The following MCC variants were observed in gnomAD, a reference collection of about 807,000 sequenced individuals.
MCC encodes the protein MCC regulator of Wnt signaling pathway, also known as colorectal mutant cancer protein.
In MCC, 90 loss-of-function variants were observed where a neutral mutation model predicts 116.2. That is an observed-to-expected ratio of 0.77 (90% CI 0.65 to 0.92). The LOEUF is 0.92. Among genes scored for constraint, MCC ranks in the 40% least tolerant of loss-of-function variants. The pLI is 0.00. For missense variants in MCC, 1,516 were observed against 1,312.2 expected (o/e 1.16, Z -2.40); for synonymous variants, 578 against 510.5 (o/e 1.13, Z -1.78).
intron 8 of MCC, among the ~76,000 whole-genome samples, chr5:113,095,126 G>A (rs1480587828): frequency 6.6e-6 from 1 of 152,174 alleles, no homozygotes; most frequent in Admixed American, 6.5e-5. Context: ...AGGAGAGTGG[G>A]TCTGTGAAAC....
rs572975445 is a variant in MCC, at chr5:113,117,905, C to A, written c.1027+4779G>T. ...AGGTGCTTGTGATCACACAGCTGCTCCCTAATTCCCCCATCAGCCCTAGAG... is the reference window on the plus strand; with the variant it reads ...AGGTGCTTGTGATCACACAGCTGCTACCTAATTCCCCCATCAGCCCTAGAG... On this transcript the variant is annotated intron_variant, in intron 6 of 18. Coordinates refer to ENST00000408903, the MANE Select transcript of MCC (RefSeq NM_001085377.2). Among the ~76,000 whole-genome samples the A allele has an allele frequency of 1.2e-4, 19 of 152,314 alleles. 1 individual carries two copies. The highest frequency in any genetic ancestry group is 3.4e-3 in the Middle Eastern group (1 of 294).
chr5:113,187,723 C>CCGG (rs1394938469), intron 3 of MCC, among the ~76,000 whole-genome samples: 4 of 149,058 alleles, frequency 2.7e-5, no homozygotes, highest in African/African-American at 1.0e-4. Flanking sequence ...CCACTGCACT[C>CCGG]CGGCCTGGGC....
At chr5:113,146,417 C>T (rs1028940124) in intron 4 of MCC, among the ~76,000 whole-genome samples, 1 of 83,704 alleles carries the variant, frequency 1.2e-5, no homozygotes, top group Non-Finnish European at 2.6e-5. Flanking sequence ...TCCTCTTCAC[C>T]ATTTACCTAA....
chr5:113,166,455 A>G (rs17135364), intron 3 of MCC, among the ~76,000 whole-genome samples: 33,428 of 152,104 alleles, frequency 0.22, 3,818 homozygotes, highest in Middle Eastern at 0.27. Flanking sequence ...GGAGTGTCCT[A>G]AGAGTCCTGC....
At chr5:113,389,106 T>C (rs1347631988) in intron 1 of MCC, among the ~76,000 whole-genome samples, 1 of 152,236 alleles carries the variant, frequency 6.6e-6, no homozygotes, top group Non-Finnish European at 1.5e-5. Context: ...AGTTACATTT[T>C]GTTACCAACA....
At chr5:113,294,289 G>T (rs1766629633) in intron 3 of MCC, 3 of 1,612,790 alleles carry the variant, frequency 1.9e-6, no homozygotes, top group African/African-American at 2.7e-5. Context: ...AAAAGCAAAC[G>T]CCCGAGAAAC....
intron 1 of MCC, among the ~76,000 whole-genome samples, chr5:113,471,295 T>A (rs1208103563): frequency 6.6e-6 from 1 of 152,220 alleles, no homozygotes; most frequent in African/African-American, 2.4e-5. Flanking sequence ...TTTTTTCCCA[T>A]CTTTGTCATT....
At chr5:113,074,967 G>A (rs1278915608) in intron 11 of MCC, among the ~76,000 whole-genome samples, 2 of 152,238 alleles carry the variant, frequency 1.3e-5, no homozygotes, top group African/African-American at 2.4e-5. Flanking sequence ...TGCTCAAGGA[G>A]CGCTTCAGCC....
chr5:113,238,476 A>G (rs986665844), intron 3 of MCC, among the ~76,000 whole-genome samples: 2 of 152,208 alleles, frequency 1.3e-5, no homozygotes, highest in East Asian at 3.8e-4. Context: ...TCTCCTAAAA[A>G]GACTCTTCAA....
chr5:113,437,442 G>A (rs1449614268), intron 1 of MCC, among the ~76,000 whole-genome samples: 1 of 152,088 alleles, frequency 6.6e-6, no homozygotes, highest in Non-Finnish European at 1.5e-5. Flanking sequence ...TGTCTTCCAA[G>A]GATAAAGACA....
At chr5:113,062,507 G>A (rs909025283) in intron 14 of MCC, among the ~76,000 whole-genome samples, 31 of 152,252 alleles carry the variant, frequency 2.0e-4, no homozygotes, top group Admixed American at 3.3e-4. Context: ...CACATTTCCT[G>A]TCAAGCAAAC....
intron 3 of MCC, among the ~76,000 whole-genome samples, chr5:113,159,021 G>C (rs73244726): frequency 6.6e-6 from 1 of 152,136 alleles, no homozygotes; most frequent in Non-Finnish European, 1.5e-5. Flanking sequence ...CAGGGTTTTC[G>C]TGATGGCAGC....
chr5:113,097,278 T>C (rs552825214), intron 8 of MCC, among the ~76,000 whole-genome samples: 1 of 152,338 alleles, frequency 6.6e-6, no homozygotes, highest in South Asian at 2.1e-4. Context: ...ACTGCCCAGA[T>C]TTAACCTGTT....
chr5:113,121,691 C>T (rs1356888584), intron 6 of MCC, among the ~76,000 whole-genome samples: 2 of 152,024 alleles, frequency 1.3e-5, no homozygotes, highest in Admixed American at 6.6e-5. Flanking sequence ...ATTAAAATCC[C>T]TCTCCCCAAC....
At chr5:113,242,098 C>T (rs1156864870) in intron 3 of MCC, among the ~76,000 whole-genome samples, 2 of 148,360 alleles carry the variant, frequency 1.3e-5, no homozygotes, top group East Asian at 3.9e-4. Context: ...CCTAATCCCA[C>T]ATCATAGGCC....
At chr5:113,166,810 A>T (rs1760799135) in intron 3 of MCC, among the ~76,000 whole-genome samples, 1 of 152,058 alleles carries the variant, frequency 6.6e-6, no homozygotes, top group Admixed American at 6.6e-5. Flanking sequence ...GCTCAGAGGT[A>T]AGGAGAACAG....
At chr5:113,101,411 A>AT (rs1756401068) in intron 8 of MCC, 1 of 240,108 alleles carries the variant, frequency 4.2e-6, no homozygotes, top group East Asian at 9.7e-5. Context: ...TCTAAAGACT[A>AT]TTAGTTTATC....
chr5:113,309,279 T>C (rs923993208), intron 3 of MCC, among the ~76,000 whole-genome samples: 19 of 152,204 alleles, frequency 1.2e-4, no homozygotes, highest in African/African-American at 4.3e-4. Flanking sequence ...GACTTTTTAG[T>C]GTAGCCATCA....
intron 2 of MCC, among the ~76,000 whole-genome samples, chr5:113,373,266 A>C (rs912937514): frequency 1.4e-4 from 21 of 152,162 alleles, no homozygotes; most frequent in African/African-American, 4.3e-4. Flanking sequence ...TCAATGAATG[A>C]AGGTGTCCAC....
Sources: gnomAD v4.1 joint callset for allele counts (sites outside exome capture counted in the v4.1 genomes callset) on GRCh38, gnomAD v4.1.1 for gene constraint, MANE v1.5 for transcripts, NCBI Gene and HGNC (gene_info 2026-07-23, HGNC 2026-07-21) for gene names.